Variants in GIPC2 observed in about 807,000 individuals in gnomAD.
The protein encoded by GIPC2 is GIPC PDZ domain containing family member 2, also known as PDZ domain-containing protein GIPC2.
GIPC2 carries 30 observed loss-of-function variants against 30.6 expected under a neutral mutation model. That is an observed-to-expected ratio of 0.98 (90% CI 0.73 to 1.33). GIPC2 has a LOEUF of 1.33. Ranked by LOEUF, GIPC2 falls within the 40% of genes most tolerant of loss-of-function variation. The pLI is 0.00. For synonymous variants in GIPC2, 167 were observed against 150.0 expected (o/e 1.11, Z -0.83); for missense variants, 414 against 390.3 (o/e 1.06, Z -0.51).
intron 3 of GIPC2, among the ~76,000 whole-genome samples, chr1:78,100,469 A>G (rs1243254629): frequency 2.0e-5 from 3 of 152,188 alleles, no homozygotes; most frequent in African/African-American, 2.4e-5. Context: ...GAGACTGCAA[A>G]TGATGACCTC....
chr1:78,128,454 C>T (rs943339762), intron 5 of GIPC2, among the ~76,000 whole-genome samples: 1 of 152,178 alleles, frequency 6.6e-6, no homozygotes, highest in Non-Finnish European at 1.5e-5. Flanking sequence ...CAGACATACA[C>T]ATAAACATGA....
At chr1:78,132,105 A>T (rs1198294343) in intron 5 of GIPC2, among the ~76,000 whole-genome samples, 1 of 152,246 alleles carries the variant, frequency 6.6e-6, no homozygotes, top group African/African-American at 2.4e-5. Context: ...TAATTTTATT[A>T]GTTTGGAGCT....
chr1:78,135,507 A>G, intron 5 of GIPC2, 85 bp from the exon 6 acceptor site: 1 of 745,420 alleles, frequency 1.3e-6, no homozygotes, highest in Non-Finnish European at 2.2e-6. Context: ...TGTTACTTTT[A>G]GCAAGTAATT....
intron 4 of GIPC2, among the ~76,000 whole-genome samples, chr1:78,120,241 T>A (rs1340867427): frequency 1.3e-5 from 2 of 152,234 alleles, no homozygotes; most frequent in Non-Finnish European, 2.9e-5. Flanking sequence ...CTGTTCTCAT[T>A]TCCCATCCCT....
intron 1 of GIPC2, among the ~76,000 whole-genome samples, chr1:78,072,961 C>G (rs530542621): frequency 4.5e-4 from 43 of 96,234 alleles, no homozygotes; most frequent in African/African-American, 1.1e-3. Context: ...CCCACCACCA[C>G]GCCCAGCTAA....
chr1:78,119,475 A>G lies in GIPC2; in HGVS notation c.690A>G (p.Lys230=). The part of the protein sequence containing the change: ...CGRATLRLRS[K]GPATVEEMPS... Reference sequence around the variant, plus strand: ...GGGCAACACTTCGCCTGAGATCAAAAGGTCCTGCCACCGTGGAAGAAATGG... The same window carrying G: ...GGGCAACACTTCGCCTGAGATCAAAGGGTCCTGCCACCGTGGAAGAAATGG... The change falls in exon 4 of 6, where the codon AAA becomes AAG. Residue 230 remains lysine (K), a synonymous_variant. Coordinates refer to ENST00000370759, the MANE Select transcript of GIPC2 (RefSeq NM_017655.6). The G allele has an allele frequency of 6.2e-7, 1 of 1,608,680 alleles. No individual in the cohort carries two copies. The highest frequency in any genetic ancestry group is 1.1e-5 in the South Asian group (1 of 90,904).
At chr1:78,046,407 C>T in intron 1 of GIPC2, 73 bp downstream of exon 1, 2 of 1,385,510 alleles carry the variant, frequency 1.4e-6, no homozygotes, top group East Asian at 2.5e-5. Context: ...TTCTGTGGGC[C>T]CAGGAGGGTT....
intron 3 of GIPC2, among the ~76,000 whole-genome samples, chr1:78,100,118 C>T (rs1324220461): frequency 6.6e-6 from 1 of 152,090 alleles, no homozygotes; most frequent in Admixed American, 6.5e-5. Context: ...CATAAATGTT[C>T]TATTAACAAT....
At chr1:78,129,981 T>G (rs964107275) in intron 5 of GIPC2, among the ~76,000 whole-genome samples, 5 of 152,086 alleles carry the variant, frequency 3.3e-5, no homozygotes, top group African/African-American at 4.8e-5. Flanking sequence ...TTTTTTTTCT[T>G]TTTAAAAATT....
chr1:78,108,139 A>G (rs1160849441), intron 3 of GIPC2, among the ~76,000 whole-genome samples: 3 of 152,210 alleles, frequency 2.0e-5, no homozygotes, highest in Non-Finnish European at 4.4e-5. Flanking sequence ...AAATCATATT[A>G]TAGGGTAAAA....
At chr1:78,057,358 A>G (rs1246483305) in intron 1 of GIPC2, among the ~76,000 whole-genome samples, 1 of 152,196 alleles carries the variant, frequency 6.6e-6, no homozygotes, top group Non-Finnish European at 1.5e-5. Context: ...CAGCAGAGCC[A>G]GATGTGCTTT....
intron 5 of GIPC2, among the ~76,000 whole-genome samples, chr1:78,134,340 ATGTATG>A (rs1382711807): frequency 7.2e-6 from 1 of 139,200 alleles, no homozygotes; most frequent in African/African-American, 2.7e-5. Context: ...GTATGTGTGT[ATGTATG>A]TGTGTGTGTG....
chr1:78,112,999 A>G (rs627654), intron 3 of GIPC2, among the ~76,000 whole-genome samples: 37,377 of 152,052 alleles, frequency 0.25, 5,134 homozygotes, highest in East Asian at 0.67. Flanking sequence ...CGGCACTCGT[A>G]CTCCCGACAT....
intron 3 of GIPC2, among the ~76,000 whole-genome samples, chr1:78,113,293 C>G (rs1437274318): frequency 6.6e-6 from 1 of 152,166 alleles, no homozygotes; most frequent in Non-Finnish European, 1.5e-5. Context: ...ACTGCAGTCT[C>G]AAACTCCCAG....
intron 5 of GIPC2, among the ~76,000 whole-genome samples, chr1:78,129,315 A>G (rs1662845352): frequency 6.6e-6 from 1 of 152,234 alleles, no homozygotes; most frequent in Non-Finnish European, 1.5e-5. Context: ...AGCATGAAAT[A>G]TAAATCACAA....
At chr1:78,094,435 T>A (rs1265422767) in intron 2 of GIPC2, among the ~76,000 whole-genome samples, 2 of 152,258 alleles carry the variant, frequency 1.3e-5, no homozygotes, top group Non-Finnish European at 2.9e-5. Flanking sequence ...CTTCTGAAGC[T>A]TTAATCTTCC....
rs1248438963 is a variant in GIPC2 at position 78,128,406 on chromosome 1, AC to A, written c.796+2445del. 3.3e-5 allele frequency among the ~76,000 whole-genome samples: 5 copies of A among 152,216 alleles called. No homozygotes were observed. The East Asian group carries it at 9.6e-4, about 29-fold the overall frequency. ...TGCTGTGGTCTGGAGTGAATCACAG[AC>A]ACAGGGCCTAGGAAAAGATCTAACT... On this transcript the variant is annotated intron_variant, in intron 5 of 5. Coordinates refer to ENST00000370759, the MANE Select transcript of GIPC2 (RefSeq NM_017655.6).
chr1:78,127,264 C>A (rs993796674), intron 5 of GIPC2, among the ~76,000 whole-genome samples: 1 of 152,182 alleles, frequency 6.6e-6, no homozygotes, highest in African/African-American at 2.4e-5. Flanking sequence ...CCTTAAAAAT[C>A]TCAACTGGCT....
intron 4 of GIPC2, among the ~76,000 whole-genome samples, chr1:78,124,922 A>G (rs1237848473): frequency 6.6e-6 from 1 of 152,200 alleles, no homozygotes; most frequent in Non-Finnish European, 1.5e-5. Flanking sequence ...GGTTGCAGTG[A>G]GCTGAGATCA....
Sources: allele counts gnomAD v4.1 joint callset (sites outside exome capture counted in the v4.1 genomes callset), GRCh38; gene constraint gnomAD v4.1.1; transcripts MANE v1.5; gene names NCBI Gene and HGNC (gene_info 2026-07-23, HGNC 2026-07-21).